ERICH6: variants seen among roughly 807,000 people sequenced by gnomAD.
ERICH6 encodes the protein glutamate-rich protein 6.
Under a neutral mutation model 71.0 loss-of-function variants are expected in ERICH6, and 71 were observed. The ratio of observed to expected loss-of-function variants is 1.00; its 90% CI spans 0.83 to 1.22. ERICH6 has a LOEUF of 1.22. Ranked by LOEUF, ERICH6 falls within the 50% of genes most tolerant of loss-of-function variation. The pLI is 0.00. For synonymous variants in ERICH6, 262 were observed against 278.4 expected (o/e 0.94, Z 0.59); for missense variants, 808 against 797.2 (o/e 1.01, Z -0.16).
chr3:150,693,014 T>C (rs1357406840), intron 3 of ERICH6, among the ~76,000 whole-genome samples: 4 of 152,172 alleles, frequency 2.6e-5, no homozygotes, highest in African/African-American at 9.7e-5. Context: ...AAGCAATGTT[T>C]TTAACTTTTT....
rs747508414 is a variant in ERICH6, at chr3:150,664,105, G to A, written c.1728+2682C>T. 1.8e-4 allele frequency among the ~76,000 whole-genome samples: 28 copies of A among 152,006 alleles called. 1 individual carries two copies. The highest frequency in any genetic ancestry group is 4.0e-4 in the Non-Finnish European group (27 of 67,988). On this transcript the variant is annotated intron_variant, in intron 13 of 13. Transcript: ENST00000295910. ...GAAGAAACAGCCTGTGAGGTACAGG[G>A]AAAATCAGGGGAGAATAGTCTTGGA...
chr3:150,678,287 A>C (rs1711738239), intron 10 of ERICH6, 122 bp downstream of exon 10: 2 of 920,264 alleles, frequency 2.2e-6, no homozygotes, highest in African/African-American at 3.4e-5. Flanking sequence ...CCAAGTCTGT[A>C]CCAATTCTTT....
At chr3:150,662,993 A>G (rs1727278262) in intron 13 of ERICH6, among the ~76,000 whole-genome samples, 1 of 152,206 alleles carries the variant, frequency 6.6e-6, no homozygotes, top group South Asian at 2.1e-4. Flanking sequence ...ATAAGATAAT[A>G]CAGAGAGATT....
At chr3:150,669,793 A>C (rs1039347653) in intron 11 of ERICH6, among the ~76,000 whole-genome samples, 4 of 152,222 alleles carry the variant, frequency 2.6e-5, no homozygotes, top group Admixed American at 1.3e-4. Flanking sequence ...ATCTCAACAG[A>C]CACAGAAAAA....
chr3:150,682,973 CCTGAGGTCATGT>C (rs1712029351), intron 6 of ERICH6, among the ~76,000 whole-genome samples: 1 of 152,112 alleles, frequency 6.6e-6, no homozygotes, highest in African/African-American at 2.4e-5. Context: ...ATGTCAATGA[CCTGAGGTCATGT>C]CTGTGATTGC....
intron 13 of ERICH6, among the ~76,000 whole-genome samples, chr3:150,661,876 G>T (rs2108034613): frequency 6.6e-6 from 1 of 152,140 alleles, no homozygotes; most frequent in Non-Finnish European, 1.5e-5. Flanking sequence ...GCAAAACCCT[G>T]TCTCTAAAAA....
rs770279340 is a variant in ERICH6, at chr3:150,666,831, C to T, written c.1684G>A (p.Ala562Thr). The change falls in exon 13 of 14, where the codon GCA (alanine) becomes ACA (threonine). Residue 562 changes from alanine (A) to threonine (T), a missense_variant. By Grantham distance (58) the Ala-to-Thr change is moderately conservative. Coordinates refer to ENST00000295910, the MANE Select transcript of ERICH6 (RefSeq NM_152394.5). ...EQDKISITFLAMGQQARISVG... is the reference protein window; with the variant it reads ...EQDKISITFLTMGQQARISVG... The stretch of plus-strand genomic sequence containing the variant: ...CTGATTCTTGCCTGTTGGCCCATTG[C>T]TAGAAAAGTTATAGAAATCTTGTCT... The T allele has an allele frequency of 1.2e-6, 2 of 1,614,146 alleles. No individual in the cohort carries two copies. The highest frequency in any genetic ancestry group is 3.3e-4 in the Middle Eastern group (2 of 6,060).
chr3:150,688,688 C>T (rs1712295973), intron 3 of ERICH6, among the ~76,000 whole-genome samples: 1 of 152,218 alleles, frequency 6.6e-6, no homozygotes. Flanking sequence ...AGAGGCTAAT[C>T]AGAAACTCAA....
intron 3 of ERICH6, among the ~76,000 whole-genome samples, chr3:150,697,924 C>G (rs1245267325): frequency 3.3e-5 from 5 of 152,228 alleles, no homozygotes; most frequent in Non-Finnish European, 7.3e-5. Flanking sequence ...ACACTGGCCT[C>G]TTGTTCTAGA....
intron 13 of ERICH6, among the ~76,000 whole-genome samples, chr3:150,663,318 G>A (rs1182524036): frequency 1.3e-5 from 2 of 152,202 alleles, no homozygotes; most frequent in African/African-American, 4.8e-5. Flanking sequence ...GTTGGTATGG[G>A]ACTGTGAAAC....
Position 150,703,882 on chromosome 3 carries a change from G to T in ERICH6, c.17C>A (p.Ser6Ter), listed in dbSNP as rs1713076224. 1 of 1,613,770 alleles carries T rather than the reference G, an allele frequency of 6.2e-7. No individual in the cohort carries two copies. Residue 6 changes from serine to a stop codon, truncating the protein, a stop_gained, in exon 1 of 14, where the codon TCG becomes TAG. Coordinates refer to ENST00000295910, the MANE Select transcript of ERICH6 (RefSeq NM_152394.5). LOFTEE classifies it high-confidence loss of function. ...CCCCGGGTCTCCGAAGCCGCTAGGC[G>T]AGCGCAAGTGGGCCATGGCTGGCGG... The part of the protein sequence containing the change: MAHLR[S>*]PSGFGDPGKK...
intron 13 of ERICH6, among the ~76,000 whole-genome samples, chr3:150,660,620 TC>T (rs1041481325): frequency 1.3e-5 from 2 of 152,114 alleles, no homozygotes; most frequent in African/African-American, 4.8e-5. Context: ...AGGAGGCCAT[TC>T]CAAATTAACC....
intron 7 of ERICH6, among the ~76,000 whole-genome samples, chr3:150,681,807 CTTTTTTTT>C (rs34909258): frequency 2.8e-5 from 2 of 70,262 alleles, no homozygotes; most frequent in South Asian, 6.2e-4. Flanking sequence ...ACACATAACT[CTTTTTTTT>C]TTTTTTTTTT....
chr3:150,673,950 G>A lies in ERICH6; in HGVS notation c.1343+6C>T. ...CTAATAAAAATAACTTGTTGAAAGA[G>A]GATACAATATTTGTGTTGTCCCATC... On this transcript the variant is annotated splice_donor_region_variant and intron_variant, in intron 11 of 13. Transcript: ENST00000295910. 1 of 1,612,066 alleles carries A rather than the reference G, an allele frequency of 6.2e-7. No homozygotes were observed. Among genetic ancestry groups the A allele is most frequent in the Non-Finnish European group, 8.5e-7 (1 of 1,178,744 alleles).
intron 2 of ERICH6, 108 bp from the exon 3 acceptor site, chr3:150,698,990 T>C (rs1712759262): frequency 7.1e-6 from 5 of 703,808 alleles, no homozygotes; most frequent in Non-Finnish European, 1.2e-5. Flanking sequence ...GAAAATATTT[T>C]GTTTTCTTTG....
intron 3 of ERICH6, among the ~76,000 whole-genome samples, chr3:150,691,166 C>T (rs1238996973): frequency 6.6e-6 from 1 of 152,122 alleles, no homozygotes; most frequent in Non-Finnish European, 1.5e-5. Context: ...TGATGACTAT[C>T]ACAGTTTTCA....
In ERICH6 at chr3:150,702,940, G is replaced by A. The variant is rs538837287; in HGVS notation, c.403+556C>T. ...TCTGTGAGAGAGAGAGAGAGGGAGA[G>A]AGAAAGAGAGGGGGAGGGGAGAGGG... On this transcript the variant is annotated intron_variant, in intron 1 of 13. Coordinates refer to ENST00000295910, the MANE Select transcript of ERICH6 (RefSeq NM_152394.5). Among the ~76,000 whole-genome samples the A allele has an allele frequency of 5.3e-5, 7 of 132,314 alleles. No individual in the cohort carries two copies. The East Asian group carries it at 1.8e-3, about 34-fold the overall frequency. The allele number at this position is 132,314 out of a possible 152,430, so 86.8% of individuals were successfully genotyped here.
intron 13 of ERICH6, 46 bp downstream of exon 13, chr3:150,666,741 T>A: frequency 6.5e-7 from 1 of 1,530,656 alleles, no homozygotes; most frequent in South Asian, 1.2e-5. Context: ...AGTTTACTCT[T>A]ATTATTATTC....
intron 3 of ERICH6, among the ~76,000 whole-genome samples, chr3:150,689,412 C>T (rs1257253380): frequency 6.6e-6 from 1 of 152,206 alleles, no homozygotes; most frequent in African/African-American, 2.4e-5. Flanking sequence ...TCCACCACAA[C>T]AGCCTGGGTT....
Sources: allele counts gnomAD v4.1 joint callset (sites outside exome capture counted in the v4.1 genomes callset), GRCh38; gene constraint gnomAD v4.1.1; transcripts MANE v1.5; gene names NCBI Gene and HGNC (gene_info 2026-07-23, HGNC 2026-07-21).